The following KAZN variants were observed in gnomAD, a reference collection of about 807,000 sequenced individuals.
KAZN encodes kazrin.
In KAZN, 40 loss-of-function variants were observed where a neutral mutation model predicts 87.4. The ratio of observed to expected loss-of-function variants is 0.46; its 90% confidence interval spans 0.36 to 0.60. The LOEUF (loss-of-function observed/expected upper bound fraction) is 0.60. Ranked by LOEUF, KAZN falls within the 20% of genes least tolerant of loss-of-function variation. The pLI, the probability that KAZN is intolerant of heterozygous loss-of-function variation, is 0.00. For missense variants in KAZN, 898 were observed against 1,073.9 expected (o/e 0.84, Z 2.29); for synonymous variants, 466 against 458.3 (o/e 1.02, Z -0.22).
chr1:13,929,953 G>T (rs1451677471), intron 1 of KAZN, among the ~76,000 whole-genome samples: 1 of 152,132 alleles, frequency 6.6e-6, no homozygotes, highest in Non-Finnish European at 1.5e-5. Flanking sequence ...TTCCTCCATG[G>T]TCACAATCTT....
chr1:13,994,212 C>T (rs1557769773), intron 1 of KAZN, among the ~76,000 whole-genome samples: 1 of 152,154 alleles, frequency 6.6e-6, no homozygotes, highest in Non-Finnish European at 1.5e-5. Context: ...CCCTTCTGGA[C>T]AAAGCCCACC....
rs61187977 is a variant in KAZN, at chr1:14,774,435, C to G, written c.226+175212C>G. Among the ~76,000 whole-genome samples the G allele has an allele frequency of 1.2e-3, 182 of 151,882 alleles. 3 individuals carry two copies. The East Asian group carries it at 0.034, about 28-fold the overall frequency. On this transcript the variant is annotated intron_variant, in intron 1 of 14. Coordinates refer to ENST00000376030, the MANE Select transcript of KAZN (RefSeq NM_201628.3). The stretch of plus-strand genomic sequence containing the variant: ...CCCTTCTCACACCCACACTCACCCT[C>G]ACAATGCCTACCTTTTCTTGGTTCT...
intron 2 of KAZN, among the ~76,000 whole-genome samples, chr1:14,987,223 G>A (rs1020342960): frequency 5.3e-5 from 8 of 152,178 alleles, no homozygotes; most frequent in South Asian, 2.1e-4. Context: ...GGCCGGGCAC[G>A]GTGGCTCACG....
chr1:14,979,690 GC>G (rs1666037199), intron 2 of KAZN, among the ~76,000 whole-genome samples: 1 of 152,008 alleles, frequency 6.6e-6, no homozygotes, highest in Non-Finnish European at 1.5e-5. Context: ...TTGTGGGGAG[GC>G]AGTAATGATG....
At chr1:14,693,884 T>G (rs1641458253) in intron 1 of KAZN, among the ~76,000 whole-genome samples, 1 of 152,144 alleles carries the variant, frequency 6.6e-6, no homozygotes, top group Non-Finnish European at 1.5e-5. Flanking sequence ...TGTAACAACA[T>G]ACAGAGGGGT....
rs1199053030 is a variant in KAZN at position 14,417,437 on chromosome 1, G to A, written c.250-181546G>A. On this transcript the variant is annotated intron_variant, in intron 2 of 16. Coordinates refer to the KAZN transcript ENST00000636203. ...TTTGACTTCACCTTCACAGAAAGGT[G>A]AACTAAGAAGCCTATAAGGAAACCA... Among the ~76,000 whole-genome samples the A allele has an allele frequency of 2.6e-5, 4 of 152,244 alleles. No homozygotes were observed. The East Asian group carries it at 7.7e-4, about 29-fold the overall frequency.
At chr1:14,815,548 G>A (rs1252655200) in intron 1 of KAZN, among the ~76,000 whole-genome samples, 1 of 152,154 alleles carries the variant, frequency 6.6e-6, no homozygotes, top group Non-Finnish European at 1.5e-5. Flanking sequence ...TGACAGATCT[G>A]GGCAGGATAT....
At position 14,856,672 on chromosome 1, in the gene KAZN, C is replaced by T. The variant is rs1424470759; in HGVS notation, c.227-104012C>T. Among the ~76,000 whole-genome samples the T allele has an allele frequency of 6.6e-6, 1 of 152,166 alleles. No individual in the cohort carries two copies. The highest frequency in any genetic ancestry group is 1.5e-5 in the Non-Finnish European group (1 of 68,038). ...ATTTTGGGGAATAAATAGGCAATGA[C>T]CTTCTGCGAAGGAGGAACTTCTACT... On this transcript the variant is annotated intron_variant, in intron 1 of 14. Transcript: ENST00000376030. The surrounding 1 kb of genome is among the most constrained non-coding windows in gnomAD (Gnocchi z 5.2).
At chr1:13,944,930 A>C (rs1004284063) in intron 1 of KAZN, among the ~76,000 whole-genome samples, 3 of 152,196 alleles carry the variant, frequency 2.0e-5, no homozygotes, top group Non-Finnish European at 4.4e-5. Flanking sequence ...AAAGAAAAAA[A>C]TCCAACACTA....
intron 1 of KAZN, among the ~76,000 whole-genome samples, chr1:14,062,161 G>A (rs1642820816): frequency 6.6e-6 from 1 of 152,134 alleles, no homozygotes; most frequent in Non-Finnish European, 1.5e-5. Flanking sequence ...AAGATGTGCG[G>A]CTAACTACTT....
At chr1:13,916,546 G>C (rs948109884) in intron 1 of KAZN, among the ~76,000 whole-genome samples, 1 of 152,182 alleles carries the variant, frequency 6.6e-6, no homozygotes, top group African/African-American at 2.4e-5. Flanking sequence ...AAGTGGCCAG[G>C]ACGGGGTCCC....
chr1:14,066,683 C>T (rs1643021410), intron 1 of KAZN, among the ~76,000 whole-genome samples: 1 of 152,168 alleles, frequency 6.6e-6, no homozygotes, highest in African/African-American at 2.4e-5. Flanking sequence ...GATAGAACTG[C>T]CAGGCTCTTT....
chr1:14,654,102 A>T (rs1335472843), intron 1 of KAZN, among the ~76,000 whole-genome samples: 1 of 152,100 alleles, frequency 6.6e-6, no homozygotes, highest in Admixed American at 6.5e-5. Flanking sequence ...CCTGGCCAAC[A>T]TGGTGAAACC....
At chr1:13,974,404 G>A (rs984227666) in intron 1 of KAZN, among the ~76,000 whole-genome samples, 2 of 152,294 alleles carry the variant, frequency 1.3e-5, no homozygotes, top group East Asian at 3.9e-4. Context: ...TGCCCACATC[G>A]AATTCTCAGA....
intron 1 of KAZN, among the ~76,000 whole-genome samples, chr1:14,114,016 C>A (rs570904052): frequency 8.5e-5 from 13 of 152,156 alleles, no homozygotes; most frequent in Non-Finnish European, 1.5e-4. Context: ...TGGCAGCAAA[C>A]GTCCAGGGGA....
chr1:14,701,113 A>G (rs1641896363), intron 1 of KAZN, among the ~76,000 whole-genome samples: 1 of 152,140 alleles, frequency 6.6e-6, no homozygotes, highest in Admixed American at 6.5e-5. Context: ...AAAACATATG[A>G]CATTAGTATA....
At chr1:14,115,210 C>T (rs571138778) in intron 1 of KAZN, among the ~76,000 whole-genome samples, 1 of 152,326 alleles carries the variant, frequency 6.6e-6, no homozygotes, top group Admixed American at 6.5e-5. Flanking sequence ...CCTCACATGG[C>T]AGAGAGATAC....
chr1:13,904,308 C>T (rs971310032), intron 1 of KAZN, among the ~76,000 whole-genome samples: 1 of 152,150 alleles, frequency 6.6e-6, no homozygotes, highest in African/African-American at 2.4e-5. Flanking sequence ...CATGCCTCCT[C>T]CCTTCCATTA....
At position 14,243,899 on chromosome 1, in the gene KAZN, G is replaced by A. The variant is rs111663268; in HGVS notation, c.249+63307G>A. 6.0e-4 allele frequency among the ~76,000 whole-genome samples: 92 copies of A among 152,262 alleles called. 1 individual carries two copies. The highest frequency in any genetic ancestry group is 2.1e-3 in the African/African-American group (89 of 41,558). On this transcript the variant is annotated intron_variant, in intron 2 of 16. Coordinates refer to the KAZN transcript ENST00000636203. ...TGTCCGCATCTTACAGAGGGCCAGC[G>A]TAGTTTACCCATCATCACAAACCAC...
Sources: gnomAD v4.1 joint callset for allele counts (sites outside exome capture counted in the v4.1 genomes callset) on GRCh38, gnomAD v4.1.1 for gene constraint, Gnocchi (gnomAD v3.1) non-coding constraint, MANE v1.5 for transcripts, NCBI Gene and HGNC (gene_info 2026-07-23, HGNC 2026-07-21) for gene names.